Variants in KCMF1 observed in about 807,000 individuals in gnomAD.
The protein encoded by KCMF1 is E3 ubiquitin-protein ligase KCMF1.
KCMF1 carries 3 observed loss-of-function variants against 41.1 expected under a neutral mutation model. The observed-to-expected ratio is 0.07, with a 90% CI of 0.03 to 0.19. KCMF1 has a LOEUF of 0.19. Ranked by LOEUF, KCMF1 falls within the 10% of genes least tolerant of loss-of-function variation. KCMF1 has a pLI of 1.00. For missense variants in KCMF1, 286 were observed against 488.9 expected, an observed-to-expected ratio of 0.58 and a Z score of 3.91; for synonymous variants, 142 against 164.5, an observed-to-expected ratio of 0.86 and a Z score of 1.04.
At chr2:85,023,938 A>G (rs1675018515) in intron 1 of KCMF1, among the ~76,000 whole-genome samples, 1 of 152,188 alleles carries the variant, frequency 6.6e-6, no homozygotes. Context: ...GATGTTAATC[A>G]TGCACTTCTT....
At chr2:84,979,522 TAA>T (rs11406108) in intron 1 of KCMF1, among the ~76,000 whole-genome samples, 1 of 141,674 alleles carries the variant, frequency 7.1e-6, no homozygotes, top group Admixed American at 7.1e-5. Context: ...AAATTCTGTC[TAA>T]AAAAAAAAAA....
intron 2 of KCMF1, among the ~76,000 whole-genome samples, chr2:85,033,830 T>A (rs947941642): frequency 1.3e-5 from 2 of 152,068 alleles, no homozygotes; most frequent in African/African-American, 4.8e-5. Flanking sequence ...ACTTACGAGG[T>A]GAACAAATTA....
At chr2:84,987,722 T>A (rs1327957018) in intron 1 of KCMF1, among the ~76,000 whole-genome samples, 1 of 152,180 alleles carries the variant, frequency 6.6e-6, no homozygotes, top group Non-Finnish European at 1.5e-5. Flanking sequence ...TACTGAAGCC[T>A]GGGGATAGGC....
intron 4 of KCMF1, among the ~76,000 whole-genome samples, chr2:85,045,196 C>T (rs1675634564): frequency 6.6e-6 from 1 of 152,086 alleles, no homozygotes; most frequent in South Asian, 2.1e-4. Flanking sequence ...GCTATGATTG[C>T]ACCACTGCAC....
At chr2:84,982,572 T>C (rs892307917) in intron 1 of KCMF1, among the ~76,000 whole-genome samples, 1 of 151,972 alleles carries the variant, frequency 6.6e-6, no homozygotes, top group Non-Finnish European at 1.5e-5. Flanking sequence ...CTAATTTTTG[T>C]ATTTTTAGTA....
intron 1 of KCMF1, among the ~76,000 whole-genome samples, chr2:84,983,655 C>T (rs1673823102): frequency 6.6e-6 from 1 of 152,052 alleles, no homozygotes; most frequent in Admixed American, 6.6e-5. Context: ...ATTACAGGCA[C>T]CTGCCACCAC....
rs1558573451 is a variant in KCMF1 at position 85,008,314 on chromosome 2, T to TATATCATATATAATATATAATATG, written c.17-19571_17-19570insCATATATAATATATAATATGATAT. Among the ~76,000 whole-genome samples, 77 of 101,014 alleles carry TATATCATATATAATATATAATATG rather than the reference T, an allele frequency of 7.6e-4. 1 individual carries two copies. The highest frequency in any genetic ancestry group is 3.2e-3 in the East Asian group (7 of 2,202). The allele number at this position is 101,014 out of a possible 152,430, so 66.3% of individuals were successfully genotyped here. On this transcript the variant is annotated intron_variant, in intron 1 of 6. Transcript: ENST00000409785. ...AATATATATAATATATAATATGATA[T>TATATCATATATAATATATAATATG]ATATATCATATATAATATATAATAT...
At position 85,007,802 on chromosome 2, in the gene KCMF1, C is replaced by T. The variant is rs553587793; in HGVS notation, c.17-20087C>T. ...TGTTGTTGTTTTTGAGACAGAGTCT[C>T]GTCACCCAGTCTGGAGTGCAATGGC... is the stretch of plus-strand genomic sequence containing the variant. On this transcript the variant is annotated intron_variant, in intron 1 of 6. Coordinates refer to ENST00000409785, the MANE Select transcript of KCMF1 (RefSeq NM_020122.5). Among the ~76,000 whole-genome samples, 9 of 152,232 alleles carry T rather than the reference C, an allele frequency of 5.9e-5. No individual in the cohort carries two copies. The South Asian group carries it at 1.2e-3, about 21-fold the overall frequency.
chr2:85,034,035 T>A (rs577879017), intron 2 of KCMF1, among the ~76,000 whole-genome samples: 61 of 131,460 alleles, frequency 4.6e-4, no homozygotes, highest in Admixed American at 1.3e-3. Flanking sequence ...AAAAAAAAAA[T>A]TTTTTTTTTA....
At chr2:85,009,479 G>C (rs994164448) in intron 1 of KCMF1, among the ~76,000 whole-genome samples, 1 of 152,168 alleles carries the variant, frequency 6.6e-6, no homozygotes, top group African/African-American at 2.4e-5. Context: ...TTTCAGTGAG[G>C]TCGTGCTGTA....
At chr2:85,027,437 G>A (rs1448438260) in intron 1 of KCMF1, among the ~76,000 whole-genome samples, 1 of 140,934 alleles carries the variant, frequency 7.1e-6, no homozygotes, top group Non-Finnish European at 1.5e-5. Flanking sequence ...GTGCAGTGGC[G>A]CGATCTCAGC....
chr2:85,007,101 C>CAAAAAAAA (rs764401140), intron 1 of KCMF1, among the ~76,000 whole-genome samples: 8 of 51,894 alleles, frequency 1.5e-4, no homozygotes, highest in East Asian at 4.2e-4. Context: ...AACTCAGTCT[C>CAAAAAAAA]AAAAAAAAAA....
intron 1 of KCMF1, among the ~76,000 whole-genome samples, chr2:84,977,583 C>CT (rs772731086): frequency 1.6e-3 from 233 of 144,456 alleles, no homozygotes; most frequent in Middle Eastern, 7.2e-3. Flanking sequence ...CCACACCCGA[C>CT]TTTTTTTTTT....
intron 1 of KCMF1, among the ~76,000 whole-genome samples, chr2:85,026,135 C>T (rs1477654711): frequency 3.9e-5 from 6 of 152,034 alleles, no homozygotes; most frequent in East Asian, 1.9e-4. Context: ...AGATTACAGG[C>T]GCCCACCACC....
At chr2:85,014,714 TGCGTGC>T (rs1674726004) in intron 1 of KCMF1, among the ~76,000 whole-genome samples, 3 of 142,896 alleles carry the variant, frequency 2.1e-5, no homozygotes, top group East Asian at 4.6e-4. Flanking sequence ...CGCGCGTGCG[TGCGTGC>T]GTGCGTGTGT....
At chr2:85,010,963 C>T (rs1272954475) in intron 1 of KCMF1, among the ~76,000 whole-genome samples, 1 of 151,936 alleles carries the variant, frequency 6.6e-6, no homozygotes, top group Non-Finnish European at 1.5e-5. Context: ...TCTTCCTCAG[C>T]CTCCCGAGTA....
rs1675762386 is a variant in KCMF1, at chr2:85,049,663, A to G, written c.884+15A>G. ...CTTTTAACAAGGTAGCTCATTTGTT[A>G]ATAGAATTTTGTTTGGGAAGTAATA... On this transcript the variant is annotated intron_variant, in intron 6 of 6. Transcript: ENST00000409785. 1 of 1,596,108 alleles carries G rather than the reference A, an allele frequency of 6.3e-7. No individual in the cohort carries two copies. Among genetic ancestry groups the G allele is most frequent in the South Asian group, 1.1e-5 (1 of 90,078 alleles).
intron 1 of KCMF1, among the ~76,000 whole-genome samples, chr2:84,982,383 TATTTTC>T (rs1559125308): frequency 7.3e-6 from 1 of 136,792 alleles, no homozygotes; most frequent in South Asian, 2.3e-4. Flanking sequence ...ATGTGTTCCT[TATTTTC>T]TTTTTTTTTT....
chr2:85,014,702 C>T (rs563769056), intron 1 of KCMF1, among the ~76,000 whole-genome samples: 5 of 143,998 alleles, frequency 3.5e-5, no homozygotes, highest in Admixed American at 6.9e-5. Flanking sequence ...GAAATACTGG[C>T]GCGCGCGTGC....
Sources: gnomAD v4.1 joint callset for allele counts (sites outside exome capture counted in the v4.1 genomes callset) on GRCh38, gnomAD v4.1.1 for gene constraint, MANE v1.5 for transcripts, NCBI Gene and HGNC (gene_info 2026-07-23, HGNC 2026-07-21) for gene names.